The following CFAP54 variants were observed in gnomAD, a reference collection of about 807,000 sequenced individuals.
CFAP54 encodes cilia and flagella associated protein 54.
CFAP54 carries 290 observed loss-of-function variants against 370.4 expected under a neutral mutation model. The ratio of observed to expected loss-of-function variants is 0.78; its 90% confidence interval spans 0.71 to 0.86. The LOEUF is 0.86. Ranked by LOEUF, CFAP54 falls within the 40% of genes least tolerant of loss-of-function variation. The probability of loss-of-function intolerance (pLI) is 0.00; values close to 1 mark genes in which losing one functional copy is unlikely to be tolerated. For missense variants in CFAP54, 3,399 were observed against 3,528.7 expected (o/e 0.96, Z 0.93); for synonymous variants, 1,206 against 1,236.5 (o/e 0.98, Z 0.52).
intron 28 of CFAP54, among the ~76,000 whole-genome samples, chr12:96,624,874 A>G (rs144110931): frequency 3.3e-5 from 5 of 152,338 alleles, no homozygotes; most frequent in Admixed American, 1.3e-4. Context: ...TCCCATAATT[A>G]GTTTACCTAG....
chr12:96,777,554 G>A (rs1958530874), intron 60 of CFAP54, among the ~76,000 whole-genome samples: 1 of 152,006 alleles, frequency 6.6e-6, no homozygotes, highest in Admixed American at 6.6e-5. Flanking sequence ...TCTCCATGTT[G>A]GTCAGGCTGG....
chr12:96,710,538 G>T (rs988424211), intron 48 of CFAP54, among the ~76,000 whole-genome samples: 3 of 152,126 alleles, frequency 2.0e-5, no homozygotes, highest in African/African-American at 7.2e-5. Context: ...AAAGGAGGTG[G>T]TGGGGGCATG....
chr12:96,682,202 G>A, intron 40 of CFAP54: 1 of 985,504 alleles, frequency 1.0e-6, no homozygotes, highest in South Asian at 4.7e-5. Context: ...TTTTGCCTGG[G>A]GACAGAGGAG....
chr12:96,624,652 T>A (rs1237945496), intron 28 of CFAP54, among the ~76,000 whole-genome samples: 1 of 152,220 alleles, frequency 6.6e-6, no homozygotes, highest in Admixed American at 6.5e-5. Context: ...GTATCCAAAT[T>A]TGAGCCTTAA....
intron 65 of CFAP54, among the ~76,000 whole-genome samples, chr12:96,821,661 A>T (rs1283770730): frequency 6.6e-6 from 1 of 151,398 alleles, no homozygotes; most frequent in East Asian, 1.9e-4. Context: ...GAAATTACAT[A>T]TAAATTTTTC....
chr12:96,764,317 C>T, intron 59 of CFAP54, 68 bp downstream of exon 59: 1 of 1,173,976 alleles, frequency 8.5e-7, no homozygotes, highest in South Asian at 1.4e-5. Context: ...TTAAAGAACA[C>T]AATATACCTG....
chr12:96,656,306 C>G lies in CFAP54; in HGVS notation c.5101-1576C>G, dbSNP rs201949453. Among the ~76,000 whole-genome samples, 8 of 152,078 alleles carry G rather than the reference C, an allele frequency of 5.3e-5. No homozygotes were observed. The East Asian group carries it at 1.2e-3, about 22-fold the overall frequency. ...AGATCAATAGACAATTCTCTCCCCC[C>G]CCCTCCCCTTTTGGATTGGGATCAA... On this transcript the variant is annotated intron_variant, in intron 36 of 67. Coordinates refer to ENST00000524981, the MANE Select transcript of CFAP54 (RefSeq NM_001306084.2).
intron 26 of CFAP54, among the ~76,000 whole-genome samples, chr12:96,601,375 T>C (rs1334992612): frequency 6.6e-6 from 1 of 152,216 alleles, no homozygotes; most frequent in African/African-American, 2.4e-5. Context: ...TTATTGAGGA[T>C]TTTCACATCG....
chr12:96,557,260 C>T lies in CFAP54; in HGVS notation c.2410+2458C>T, dbSNP rs184969868. On this transcript the variant is annotated intron_variant, in intron 17 of 67. Transcript: ENST00000524981. ...TCTTTGTCTAGTGGCAATTTACTAA[C>T]GATTAGCATGAACAATGTACAAAAA... Among the ~76,000 whole-genome samples the T allele has an allele frequency of 3.3e-3, 500 of 152,162 alleles. 4 individuals are homozygous for T. The highest frequency in any genetic ancestry group is 0.011 in the African/African-American group (470 of 41,516).
In CFAP54 at chr12:96,817,758, A is replaced by T; in HGVS notation, c.8958-17A>T. On this transcript the variant is annotated splice_polypyrimidine_tract_variant and intron_variant, in intron 64 of 67. Transcript: ENST00000524981. ...TTAACTCTTCAAATAAAATACATATATATTTGTTATTTTCAGGGTTATTGC... is the reference window on the plus strand; with the variant it reads ...TTAACTCTTCAAATAAAATACATATTTATTTGTTATTTTCAGGGTTATTGC... 7.1e-7 allele frequency: 1 copy of T among 1,414,272 alleles called. No homozygotes were observed. The highest frequency in any genetic ancestry group is 9.4e-7 in the Non-Finnish European group (1 of 1,068,270). 87.6% of individuals were successfully genotyped at this position (1,414,272 alleles called of 1,614,324 possible).
At chr12:96,854,003 T>A (rs1421167879) in intron 66 of CFAP54, among the ~76,000 whole-genome samples, 1 of 152,030 alleles carries the variant, frequency 6.6e-6, no homozygotes, top group East Asian at 1.9e-4. Context: ...GTAGCCACTT[T>A]ATTTTTTTTA....
At chr12:96,813,828 G>C (rs1387963175) in intron 64 of CFAP54, among the ~76,000 whole-genome samples, 2 of 152,182 alleles carry the variant, frequency 1.3e-5, no homozygotes. Flanking sequence ...ATGCTTGTTT[G>C]TAGTGCCAAG....
chr12:96,685,593 C>T (rs2136556825), intron 42 of CFAP54, among the ~76,000 whole-genome samples: 1 of 152,042 alleles, frequency 6.6e-6, no homozygotes, highest in South Asian at 2.1e-4. Context: ...ACTCTGTTGC[C>T]CTGGCTGGAG....
intron 5 of CFAP54, among the ~76,000 whole-genome samples, chr12:96,513,286 C>T (rs1955193526): frequency 6.6e-6 from 1 of 152,138 alleles, no homozygotes; most frequent in African/African-American, 2.4e-5. Context: ...TTAGTATTCT[C>T]TGTCTCTCAG....
At chr12:96,812,006 A>G (rs192801850) in intron 64 of CFAP54, among the ~76,000 whole-genome samples, 164 bp downstream of exon 64, 31 of 152,352 alleles carry the variant, frequency 2.0e-4, no homozygotes, top group African/African-American at 6.7e-4. Flanking sequence ...GCTTAAGGGC[A>G]TGAACTCTGA....
In CFAP54 at chr12:96,718,617, T is replaced by C; in HGVS notation, c.6804+95T>C. 1.1e-5 allele frequency: 8 copies of C among 699,192 alleles called. No homozygotes were observed. The South Asian group carries it at 1.4e-4, about 12-fold the overall frequency. The allele number at this position is 699,192 out of a possible 1,614,324, so 43.3% of individuals were successfully genotyped here. A position where few individuals can be genotyped will look rare whatever the true frequency, so the allele number is the denominator to read the frequency against. ...CTGCTTTCAGAGTTATGCTTGCTCT[T>C]GTGAGAGCAGTTACCTTTTCTTGTG... On this transcript the variant is annotated intron_variant, in intron 49 of 67. Coordinates refer to ENST00000524981, the MANE Select transcript of CFAP54 (RefSeq NM_001306084.2).
chr12:96,500,692 A>G (rs1177211772), intron 1 of CFAP54, 142 bp from the exon 2 acceptor site: 2 of 515,118 alleles, frequency 3.9e-6, no homozygotes, highest in Non-Finnish European at 6.8e-6. Context: ...CTGTAATTAC[A>G]TTTATTATTA....
In CFAP54 at chr12:96,699,894, G is replaced by A. The variant is rs540638117; in HGVS notation, c.6352-77G>A. ...AAACTTTGGATCTCAGAAAGTTGACGATTTTCTCTATACTTTTGTTTTCTA... is the reference window on the plus strand; with the variant it reads ...AAACTTTGGATCTCAGAAAGTTGACAATTTTCTCTATACTTTTGTTTTCTA... On this transcript the variant is annotated intron_variant, in intron 45 of 67. Transcript: ENST00000524981. The A allele has an allele frequency of 1.2e-5, 15 of 1,248,540 alleles. No individual in the cohort carries two copies. In the East Asian group the frequency reaches 3.4e-4, roughly 28 times the overall value. The allele number at this position is 1,248,540 out of a possible 1,614,324, so 77.3% of individuals were successfully genotyped here. A position where few individuals can be genotyped will look rare whatever the true frequency, so the allele number is the denominator to read the frequency against.
intron 19 of CFAP54, among the ~76,000 whole-genome samples, chr12:96,565,769 T>C (rs895587397): frequency 1.3e-5 from 2 of 152,058 alleles, no homozygotes; most frequent in Non-Finnish European, 2.9e-5. Context: ...AACAGACAGA[T>C]GTAGATAAGA....
Sources: gnomAD v4.1 joint callset for allele counts (sites outside exome capture counted in the v4.1 genomes callset) on GRCh38, gnomAD v4.1.1 for gene constraint, MANE v1.5 for transcripts, NCBI Gene and HGNC (gene_info 2026-07-23, HGNC 2026-07-21) for gene names.